Variants in RADX observed in about 807,000 individuals in gnomAD.
RADX encodes the protein RPA-related protein RADX.
In RADX, 36 loss-of-function variants were observed where a neutral mutation model predicts 61.6. That is an observed-to-expected ratio of 0.58 (90% CI 0.45 to 0.77). The LOEUF is 0.77. Among genes scored for constraint, RADX ranks in the 30% least tolerant of loss-of-function variants. RADX has a pLI of 0.00. For missense variants in RADX, 497 were observed against 651.1 expected (o/e 0.76, Z 2.58); for synonymous variants, 272 against 237.9 (o/e 1.14, Z -1.32).
intron 10 of RADX, among the ~76,000 whole-genome samples, chrX:106,643,440 C>T (rs1363333154): frequency 9.1e-6 from 1 of 110,488 alleles, no homozygotes. Flanking sequence ...CAATGTTTTC[C>T]TGTAGTAGTT....
At chrX:106,659,696 A>G (rs1006725927) in intron 11 of RADX, among the ~76,000 whole-genome samples, 2 of 111,326 alleles carry the variant, frequency 1.8e-5, no homozygotes, top group Non-Finnish European at 3.8e-5. Context: ...TTCACAACCA[A>G]TAACTGCCAA....
At chrX:106,658,697 T>G (rs765748698) in intron 11 of RADX, among the ~76,000 whole-genome samples, 1 of 112,241 alleles carries the variant, frequency 8.9e-6, no homozygotes, top group East Asian at 2.8e-4. Context: ...CCCAGGTAGT[T>G]TCATGATAAC....
chrX:106,659,384 C>A (rs760902188), intron 11 of RADX, among the ~76,000 whole-genome samples: 1 of 111,744 alleles, frequency 8.9e-6, no homozygotes, highest in Non-Finnish European at 1.9e-5. Flanking sequence ...TTTAACCTTA[C>A]GACCTAAATG....
At chrX:106,676,550 A>T (rs1458785302) in intron 13 of RADX, among the ~76,000 whole-genome samples, 2 of 112,072 alleles carry the variant, frequency 1.8e-5, no homozygotes, top group African/African-American at 6.5e-5. Context: ...TTTGCTTGTT[A>T]CTTAACCTCT....
rs748458094 is a variant in RADX at position 106,614,677 on chromosome X, C to T, written c.643+1954C>T. On this transcript the variant is annotated intron_variant, in intron 1 of 13. Transcript: ENST00000372548. ...CCCCATATCTTACTATTTTTAAATA[C>T]ATCTTTTGACATTTTTCTAATTAAT... 2.7e-5 allele frequency among the ~76,000 whole-genome samples: 3 copies of T among 111,416 alleles called. No homozygotes were observed. The East Asian group carries it at 8.5e-4, about 32-fold the overall frequency.
intron 3 of RADX, among the ~76,000 whole-genome samples, chrX:106,630,722 A>C (rs1329588784): frequency 9.0e-6 from 1 of 111,341 alleles, no homozygotes; most frequent in Non-Finnish European, 1.9e-5. Flanking sequence ...ATGAGAACAC[A>C]AAGAGGGGAA....
At position 106,612,639 on chromosome X, in the gene RADX, C is replaced by CATT. The variant is rs1269863516; in HGVS notation, c.561_563dup (p.Tyr188dup). Reference sequence around the variant, plus strand: ...GAGGCCTTTAAGAGGCGGGAAGAGTCATTACCTGGCGCTGTGGAATAACGA... The same window carrying CATT: ...GAGGCCTTTAAGAGGCGGGAAGAGTCATTATTACCTGGCGCTGTGGAATAACGA... On this transcript the variant is annotated inframe_insertion, in exon 1 of 14. Transcript: ENST00000372548. The CATT allele has an allele frequency of 3.3e-6, 4 of 1,208,621 alleles. No homozygotes were observed. In the Admixed American group the frequency reaches 8.8e-5, roughly 26 times the overall value.
Position 106,637,744 on chromosome X carries a change from C to A in RADX, c.1409-16C>A, listed in dbSNP as rs1289973508. On this transcript the variant is annotated splice_polypyrimidine_tract_variant and intron_variant, in intron 7 of 13. Transcript: ENST00000372548. ...TTTATTTCTCATTTTTTATGATTTA[C>A]CCTTCCCGCGAGGAGGTCATAGAGG... 1 of 1,124,410 alleles carries A rather than the reference C, an allele frequency of 8.9e-7. No individual in the cohort carries two copies. The highest frequency in any genetic ancestry group is 2.4e-5 in the South Asian group (1 of 41,085). 92.7% of individuals were successfully genotyped at this position (1,124,410 alleles called of 1,213,427 possible). A position where few individuals can be genotyped will look rare whatever the true frequency, so the allele number is the denominator to read the frequency against.
At chrX:106,639,834 C>T (rs1419571339) in intron 9 of RADX, 147 bp downstream of exon 9, 3 of 402,972 alleles carry the variant, frequency 7.4e-6, no homozygotes, top group Non-Finnish European at 1.2e-5. Flanking sequence ...GTGCAAAAGG[C>T]ATTGTGGTTT....
At chrX:106,678,092 A>G in intron 13 of RADX, 36 bp from the exon 14 acceptor site, 18 of 1,011,388 alleles carry the variant, frequency 1.8e-5, no homozygotes, top group Non-Finnish European at 2.5e-5. Context: ...ATATTTAACT[A>G]TTTTACAGTA....
intron 11 of RADX, among the ~76,000 whole-genome samples, chrX:106,657,341 A>G (rs1052827191): frequency 8.9e-6 from 1 of 112,355 alleles, no homozygotes; most frequent in Non-Finnish European, 1.9e-5. Context: ...TGTGGCTAGC[A>G]TGATATTCTA....
intron 10 of RADX, among the ~76,000 whole-genome samples, chrX:106,645,687 A>G (rs977439248): frequency 4.5e-5 from 5 of 111,648 alleles, no homozygotes; most frequent in African/African-American, 1.6e-4. Flanking sequence ...TCTATCCTTG[A>G]GAATGATCCA....
chrX:106,657,773 G>A (rs1359949124), intron 11 of RADX, among the ~76,000 whole-genome samples: 1 of 111,514 alleles, frequency 9.0e-6, no homozygotes, highest in East Asian at 2.8e-4. Flanking sequence ...TCACATGGGT[G>A]TGGTTTGTGG....
chrX:106,621,214 G>A (rs1373557119), intron 1 of RADX, among the ~76,000 whole-genome samples: 1 of 112,179 alleles, frequency 8.9e-6, no homozygotes, highest in Non-Finnish European at 1.9e-5. Context: ...TCCTGGGATA[G>A]TAATCTATTG....
At chrX:106,630,741 A>G (rs1479769932) in intron 3 of RADX, among the ~76,000 whole-genome samples, 1 of 111,190 alleles carries the variant, frequency 9.0e-6, no homozygotes, top group East Asian at 2.8e-4. Flanking sequence ...AACAGCACAC[A>G]CTGTGGCCTA....
chrX:106,674,030 C>T (rs1447852225), intron 13 of RADX, among the ~76,000 whole-genome samples: 4 of 110,890 alleles, frequency 3.6e-5, no homozygotes, highest in East Asian at 2.8e-4. Flanking sequence ...ATGGCTGCAC[C>T]GGGGTGGGGG....
chrX:106,620,531 G>A, intron 1 of RADX, among the ~76,000 whole-genome samples: 1 of 110,004 alleles, frequency 9.1e-6, no homozygotes, highest in Middle Eastern at 4.6e-3. Flanking sequence ...AAAGTTAGCC[G>A]GGCATTGTGG....
intron 8 of RADX, chrX:106,639,318 G>A (rs1284891996): frequency 2.9e-6 from 1 of 342,290 alleles, no homozygotes; most frequent in Admixed American, 5.6e-5. Context: ...GAGGGGTACA[G>A]AGTGGAAGCC....
intron 10 of RADX, among the ~76,000 whole-genome samples, chrX:106,644,430 G>A (rs1233654407): frequency 9.0e-6 from 1 of 111,047 alleles, no homozygotes; most frequent in Admixed American, 9.6e-5. Context: ...TTTTTATTAT[G>A]CTGAAGTACG....
Sources: gnomAD v4.1 joint callset for allele counts (sites outside exome capture counted in the v4.1 genomes callset) on GRCh38, gnomAD v4.1.1 for gene constraint, MANE v1.5 for transcripts, NCBI Gene and HGNC (gene_info 2026-07-23, HGNC 2026-07-21) for gene names.